GPHN: variants seen among roughly 807,000 people sequenced by gnomAD.
GPHN encodes gephyrin.
In GPHN, 17 loss-of-function variants were observed where a neutral mutation model predicts 95.5. The ratio of observed to expected loss-of-function variants is 0.18; its 90% CI spans 0.12 to 0.27. The LOEUF is 0.27. Among genes scored for constraint, GPHN ranks in the 10% least tolerant of loss-of-function variants. GPHN has a pLI of 1.00. For missense variants in GPHN, 660 were observed against 978.1 expected, an observed-to-expected ratio of 0.67 and a Z score of 4.34; for synonymous variants, 320 against 322.5, an observed-to-expected ratio of 0.99 and a Z score of 0.08.
chr14:67,686,679 T>C, the GPHN span, among the ~76,000 whole-genome samples: 13 of 147,678 alleles, frequency 8.8e-5, no homozygotes, highest in South Asian at 8.7e-4. Flanking sequence ...GCATGGTAAG[T>C]GCTAAATGAT....
the GPHN span, chr14:67,650,887 T>TATTTTTTTTC: frequency 1.9e-5 from 30 of 1,614,018 alleles, no homozygotes; most frequent in Non-Finnish European, 2.5e-5. Flanking sequence ...GTTCACCAGA[T>TATTTTTTTTC]GAATCAGAAA....
chr14:66,892,394 G>A (rs769767700), intron 5 of GPHN, among the ~76,000 whole-genome samples: 1 of 152,146 alleles, frequency 6.6e-6, no homozygotes, highest in Non-Finnish European at 1.5e-5. Flanking sequence ...CTGCATTCCA[G>A]TCTGGGCAAC....
the GPHN span, chr14:67,690,254 C>G: frequency 1.2e-6 from 2 of 1,613,878 alleles, no homozygotes; most frequent in Non-Finnish European, 1.7e-6. Context: ...AGGATGTTGG[C>G]TAGCTTGCTG....
the GPHN span, among the ~76,000 whole-genome samples, chr14:67,402,903 A>G: frequency 6.6e-6 from 1 of 152,182 alleles, no homozygotes; most frequent in South Asian, 2.1e-4. Context: ...TATCTCTTCA[A>G]TATATTGATT....
intron 9 of GPHN, among the ~76,000 whole-genome samples, chr14:67,009,478 G>C (rs1030738326): frequency 6.6e-6 from 1 of 151,954 alleles, no homozygotes; most frequent in African/African-American, 2.4e-5. Flanking sequence ...GCCTTTTTCA[G>C]CTTGAGTTAA....
At chr14:67,426,628 T>G in the GPHN span, among the ~76,000 whole-genome samples, 1 of 151,972 alleles carries the variant, frequency 6.6e-6, no homozygotes, top group Non-Finnish European at 1.5e-5. Context: ...CAGGCTGGAG[T>G]GTAATGGCGT....
intron 2 of GPHN, among the ~76,000 whole-genome samples, chr14:66,734,229 G>T (rs577208419): frequency 1.3e-5 from 2 of 152,064 alleles, no homozygotes; most frequent in Admixed American, 6.6e-5. Context: ...ATGAAGTCCA[G>T]TTTATTCAGG....
the GPHN span, among the ~76,000 whole-genome samples, chr14:67,282,154 GT>G: frequency 1.3e-5 from 2 of 152,058 alleles, no homozygotes; most frequent in African/African-American, 4.8e-5. Context: ...ATAGCCTCAG[GT>G]TTTTAACTTT....
chr14:67,549,089 T>C, the GPHN span, among the ~76,000 whole-genome samples: 1 of 152,122 alleles, frequency 6.6e-6, no homozygotes, highest in Admixed American at 6.5e-5. Context: ...CAAGGCCAGG[T>C]ACCATAAAAG....
intron 9 of GPHN, among the ~76,000 whole-genome samples, chr14:66,974,787 A>T (rs150487486): frequency 6.6e-6 from 1 of 152,180 alleles, no homozygotes; most frequent in Non-Finnish European, 1.5e-5. Context: ...AATTCTTATC[A>T]TACCAAGAAG....
chr14:67,639,033 G>C, the GPHN span, among the ~76,000 whole-genome samples: 1 of 150,290 alleles, frequency 6.7e-6, no homozygotes, highest in Non-Finnish European at 1.5e-5. Flanking sequence ...ATGAACCCCC[G>C]ACAGAAGTTA....
At chr14:66,808,546 A>G (rs1477972145) in intron 3 of GPHN, among the ~76,000 whole-genome samples, 3 of 152,232 alleles carry the variant, frequency 2.0e-5, no homozygotes, top group African/African-American at 4.8e-5. Context: ...CACGCCTGTA[A>G]TCCCAACACT....
At chr14:66,718,920 T>C (rs1434042016) in intron 2 of GPHN, among the ~76,000 whole-genome samples, 14 of 152,090 alleles carry the variant, frequency 9.2e-5, no homozygotes, top group Non-Finnish European at 1.5e-5. Context: ...CCCAGGTCAA[T>C]GGAGTTGTGT....
intron 2 of GPHN, among the ~76,000 whole-genome samples, chr14:66,743,710 C>A (rs2073004364): frequency 6.6e-6 from 1 of 152,172 alleles, no homozygotes. Context: ...CCACTGCACT[C>A]CAGCCTGGAC....
At chr14:66,712,125 G>C (rs552143455) in intron 2 of GPHN, among the ~76,000 whole-genome samples, 25 of 152,208 alleles carry the variant, frequency 1.6e-4, no homozygotes, top group African/African-American at 5.5e-4. Context: ...ATGGCTGGGT[G>C]AAATGGTATT....
chr14:66,891,754 A>G (rs564901038), intron 5 of GPHN, among the ~76,000 whole-genome samples: 2 of 150,874 alleles, frequency 1.3e-5, no homozygotes, highest in South Asian at 2.1e-4. Flanking sequence ...AATATTCTAT[A>G]TATATATATT....
the GPHN span, among the ~76,000 whole-genome samples, chr14:67,188,012 G>A: frequency 6.6e-6 from 1 of 152,202 alleles, no homozygotes; most frequent in African/African-American, 2.4e-5. Flanking sequence ...CCAGGAAATA[G>A]TAAGTACTCA....
intron 2 of GPHN, among the ~76,000 whole-genome samples, chr14:66,753,278 T>C (rs1400850584): frequency 6.6e-6 from 1 of 152,032 alleles, no homozygotes; most frequent in Admixed American, 6.6e-5. Context: ...TGACAGTATT[T>C]TGGTGTCAGG....
chr14:67,209,432 G>T, the GPHN span, among the ~76,000 whole-genome samples: 1 of 152,202 alleles, frequency 6.6e-6, no homozygotes, highest in East Asian at 1.9e-4. Flanking sequence ...AGAGTTCCAA[G>T]TTGATTGATT....
Sources: gnomAD v4.1 joint callset for allele counts (sites outside exome capture counted in the v4.1 genomes callset) on GRCh38, gnomAD v4.1.1 for gene constraint, MANE v1.5 for transcripts, NCBI Gene and HGNC (gene_info 2026-07-23, HGNC 2026-07-21) for gene names.